The following TEC variants were observed in gnomAD, a reference collection of about 807,000 sequenced individuals.
TEC encodes the protein tec protein tyrosine kinase, also known as tyrosine-protein kinase Tec.
In TEC, 72 loss-of-function variants were observed where a neutral mutation model predicts 93.0. The ratio of observed to expected loss-of-function variants is 0.77; its 90% CI spans 0.64 to 0.94. TEC has a LOEUF of 0.94. Among genes scored for constraint, TEC ranks in the 40% least tolerant of loss-of-function variants. TEC has a pLI of 0.00. For synonymous variants in TEC, 249 were observed against 247.7 expected (o/e 1.01, Z -0.05); for missense variants, 630 against 757.9 (o/e 0.83, Z 1.98).
intron 9 of TEC, among the ~76,000 whole-genome samples, chr4:48,154,710 T>C (rs938463614): frequency 2.0e-5 from 3 of 152,088 alleles, no homozygotes; most frequent in African/African-American, 4.8e-5. Flanking sequence ...GAAAGAGTCA[T>C]GGAACTTGTC....
intron 7 of TEC, among the ~76,000 whole-genome samples, chr4:48,164,153 GT>G (rs1720785080): frequency 1.3e-5 from 2 of 152,164 alleles, no homozygotes; most frequent in African/African-American, 4.8e-5. Flanking sequence ...AGAATTCACA[GT>G]TTTGCTGATA....
At chr4:48,140,166 G>A (rs1036196433) in intron 15 of TEC, among the ~76,000 whole-genome samples, 1 of 152,150 alleles carries the variant, frequency 6.6e-6, no homozygotes, top group Non-Finnish European at 1.5e-5. Context: ...TAATCTCCCT[G>A]GGCCTGAGTT....
intron 2 of TEC, among the ~76,000 whole-genome samples, chr4:48,194,222 C>T (rs985124308): frequency 4.6e-5 from 7 of 152,236 alleles, no homozygotes; most frequent in African/African-American, 1.7e-4. Context: ...TTTGCCTCTA[C>T]CCTGCCTATA....
intron 2 of TEC, among the ~76,000 whole-genome samples, chr4:48,186,728 G>GC (rs1160188145): frequency 3.3e-5 from 5 of 151,762 alleles, no homozygotes; most frequent in African/African-American, 1.2e-4. Flanking sequence ...GTGGGGGGCA[G>GC]CCCCCGCCCG....
At chr4:48,253,847 A>AGGTTAGGGTTAGGGTTAGGG (rs1724272365) in intron 1 of TEC, among the ~76,000 whole-genome samples, 1 of 152,062 alleles carries the variant, frequency 6.6e-6, no homozygotes. Flanking sequence ...AAGCGCTGGT[A>AGGTTAGGGTTAGGGTTAGGG]TTATAGGCGT....
chr4:48,176,178 G>A lies in TEC; in HGVS notation c.147C>T (p.Tyr49=). 6.2e-7 allele frequency: 1 copy of A among 1,608,054 alleles called. No homozygotes were observed. Among genetic ancestry groups the A allele is most frequent in the East Asian group, 2.2e-5 (1 of 44,850 alleles). The change falls in exon 3 of 18, where the codon TAC becomes TAT. Residue 49 remains tyrosine, a synonymous_variant. Transcript: ENST00000381501. ...TYYEGRAEKK[Y]RKGFIDVSKI... is the part of the protein sequence containing the mutation. ...TTGAAACATCAATAAACCCCTTTCTGTATTTCTTCTGTTAAAAGAAAAAAA... is the reference window on the plus strand; with the variant it reads ...TTGAAACATCAATAAACCCCTTTCTATATTTCTTCTGTTAAAAGAAAAAAA...
chr4:48,208,928 G>A (rs1722803835), intron 2 of TEC, among the ~76,000 whole-genome samples: 1 of 152,160 alleles, frequency 6.6e-6, no homozygotes, highest in Admixed American at 6.5e-5. Context: ...GATGTCTGTG[G>A]GTGCCTTCCA....
chr4:48,209,430 C>T (rs1330740433), intron 2 of TEC, among the ~76,000 whole-genome samples: 2 of 150,890 alleles, frequency 1.3e-5, no homozygotes, highest in African/African-American at 2.4e-5. Context: ...AGAGAGAGCT[C>T]ATCTCTACAA....
intron 14 of TEC, 99 bp from the exon 15 acceptor site, chr4:48,141,518 C>A (rs1577692622): frequency 8.4e-7 from 1 of 1,192,386 alleles, no homozygotes; most frequent in South Asian, 1.3e-5. Context: ...GTAACCTAGT[C>A]AACATTTGCA....
chr4:48,159,518 A>C (rs533509954), intron 8 of TEC, among the ~76,000 whole-genome samples: 1 of 151,082 alleles, frequency 6.6e-6, no homozygotes, highest in African/African-American at 2.4e-5. Flanking sequence ...TCAGCCTCCC[A>C]AGTAGCTGGG....
chr4:48,149,807 C>T, intron 10 of TEC, 117 bp from the exon 11 acceptor site: 1 of 1,008,996 alleles, frequency 9.9e-7, no homozygotes, highest in Non-Finnish European at 1.3e-6. Flanking sequence ...CTATTCCTGG[C>T]ACAAATTTTA....
chr4:48,146,471 C>T, intron 11 of TEC, 72 bp from the exon 12 acceptor site: 1 of 1,387,008 alleles, frequency 7.2e-7, no homozygotes, highest in Non-Finnish European at 1.0e-6. Flanking sequence ...CTACAGGAAA[C>T]TCACTTAGAA....
rs775527110 is a variant in TEC, at chr4:48,167,760, C to T, written c.671+18G>A. The T allele has an allele frequency of 4.3e-6, 7 of 1,612,222 alleles. No individual in the cohort carries two copies. In the African/African-American group the frequency reaches 9.4e-5, roughly 22 times the overall value. On this transcript the variant is annotated intron_variant, in intron 7 of 17. Transcript: ENST00000381501. ...CCACCTACCCACTGCATATCACACA[C>T]ATAGAGGGAATACTTACCCATATTT...
At chr4:48,259,940 G>T (rs1724453062) in intron 1 of TEC, among the ~76,000 whole-genome samples, 1 of 152,118 alleles carries the variant, frequency 6.6e-6, no homozygotes, top group African/African-American at 2.4e-5. Flanking sequence ...GTCACACAAA[G>T]TTTCATAAAC....
intron 7 of TEC, among the ~76,000 whole-genome samples, chr4:48,164,366 A>T (rs1355197751): frequency 3.3e-5 from 5 of 152,152 alleles, no homozygotes; most frequent in Non-Finnish European, 7.4e-5. Context: ...GACCTATGTG[A>T]GGTCAAAAAA....
At position 48,228,504 on chromosome 4, in the gene TEC, C is replaced by T. The variant is rs745461310; in HGVS notation, c.111G>A (p.Met37Ile). The change falls in exon 2 of 18, where the codon ATG becomes ATA. Residue 37 changes from methionine to isoleucine, a missense_variant. Transcript: ENST00000381501. ...CTGCTCGACCCTCATAGTAGGTTAG[C>T]ATGGACTTTGTAAGTACAAAAAGTC... ...KERLFVLTKS[M>I]LTYYEGRAEK... 1 of 1,611,908 alleles carries T rather than the reference C, an allele frequency of 6.2e-7. No individual in the cohort carries two copies. Among genetic ancestry groups the T allele is most frequent in the Non-Finnish European group, 8.5e-7 (1 of 1,179,710 alleles).
chr4:48,225,739 C>T (rs1272855280), intron 2 of TEC, among the ~76,000 whole-genome samples: 1 of 148,862 alleles, frequency 6.7e-6, no homozygotes, highest in Admixed American at 6.7e-5. Context: ...TTACTACTGA[C>T]AATTATTTTA....
At chr4:48,262,778 C>T (rs1318545083) in intron 1 of TEC, among the ~76,000 whole-genome samples, 1 of 152,176 alleles carries the variant, frequency 6.6e-6, no homozygotes, top group Non-Finnish European at 1.5e-5. Flanking sequence ...CTAGTGGTAC[C>T]TGCTGAAAAA....
intron 2 of TEC, among the ~76,000 whole-genome samples, chr4:48,206,010 T>A (rs1383410638): frequency 6.6e-6 from 1 of 152,222 alleles, no homozygotes; most frequent in African/African-American, 2.4e-5. Context: ...AGGAACAAAG[T>A]ACTAATATAT....
Sources: allele counts gnomAD v4.1 joint callset (sites outside exome capture counted in the v4.1 genomes callset), GRCh38; gene constraint gnomAD v4.1.1; transcripts MANE v1.5; gene names NCBI Gene and HGNC (gene_info 2026-07-23, HGNC 2026-07-21).